Variants in SDK1 observed in about 807,000 individuals in gnomAD.
SDK1 encodes the protein sidekick cell adhesion molecule 1.
SDK1 carries 157 observed loss-of-function variants against 245.5 expected under a neutral mutation model. The ratio of observed to expected loss-of-function variants is 0.64; its 90% CI spans 0.56 to 0.73. The LOEUF (loss-of-function observed/expected upper bound fraction) is 0.73, where lower values mean the gene tolerates loss of function less well. Among genes scored for constraint, SDK1 ranks in the 30% least tolerant of loss-of-function variants. The pLI, the probability that SDK1 is intolerant of heterozygous loss-of-function variation, is 0.00. For synonymous variants in SDK1, 1,647 were observed against 1,278.5 expected (o/e 1.29, Z -6.15); for missense variants, 3,583 against 3,002.3 (o/e 1.19, Z -4.52).
At chr7:3,737,787 G>A (rs1184877474) in intron 4 of SDK1, among the ~76,000 whole-genome samples, 2 of 152,226 alleles carry the variant, frequency 1.3e-5, no homozygotes, top group East Asian at 1.9e-4. Flanking sequence ...AGGGAAGCTG[G>A]ATGTCCACCT....
At chr7:3,907,717 A>C (rs1485692065) in intron 5 of SDK1, among the ~76,000 whole-genome samples, 1 of 152,220 alleles carries the variant, frequency 6.6e-6, no homozygotes, top group Non-Finnish European at 1.5e-5. Flanking sequence ...AAGGTGTAGC[A>C]CCGCAACAGC....
chr7:3,541,772 C>G (rs1246317022), intron 1 of SDK1, among the ~76,000 whole-genome samples: 2 of 152,122 alleles, frequency 1.3e-5, no homozygotes, highest in Non-Finnish European at 2.9e-5. Context: ...AGACATCACC[C>G]CAATGCATGA....
At chr7:3,575,916 T>C (rs761052337) in intron 1 of SDK1, among the ~76,000 whole-genome samples, 3 of 152,038 alleles carry the variant, frequency 2.0e-5, no homozygotes, top group Non-Finnish European at 4.4e-5. Flanking sequence ...AAATAGGAGA[T>C]GAAGCCTTTC....
intron 1 of SDK1, among the ~76,000 whole-genome samples, chr7:3,430,789 G>C (rs1331996841): frequency 6.6e-6 from 1 of 152,202 alleles, no homozygotes; most frequent in Non-Finnish European, 1.5e-5. Context: ...TGACCTGCTA[G>C]GGCCCATGCC....
chr7:3,432,319 C>G (rs7810155), intron 1 of SDK1, among the ~76,000 whole-genome samples: 23,210 of 151,660 alleles, frequency 0.15, 1,772 homozygotes, highest in South Asian at 0.22. Flanking sequence ...GCATGTCATC[C>G]TGCCCCAGTC....
At chr7:3,365,761 G>A (rs966725662) in intron 1 of SDK1, among the ~76,000 whole-genome samples, 1 of 152,114 alleles carries the variant, frequency 6.6e-6, no homozygotes, top group Non-Finnish European at 1.5e-5. Flanking sequence ...GGCTGGGCGT[G>A]GTGGCTCATG....
rs955810665 is a variant in SDK1 at position 4,240,200 on chromosome 7, C to T, written c.6131-1593C>T. Among the ~76,000 whole-genome samples the T allele has an allele frequency of 6.6e-5, 10 of 152,300 alleles. No homozygotes were observed. In the East Asian group the frequency reaches 1.7e-3, roughly 26 times the overall value. On this transcript the variant is annotated intron_variant, in intron 42 of 44. Coordinates refer to ENST00000404826, the MANE Select transcript of SDK1 (RefSeq NM_152744.4). ...CTCCCTGCTTTTCACTGTCCTCCTCCATCTGGAAAACAGACTTGAAAAGGC... is the reference window on the plus strand; with the variant it reads ...CTCCCTGCTTTTCACTGTCCTCCTCTATCTGGAAAACAGACTTGAAAAGGC...
At chr7:3,395,041 G>C (rs1439173856) in intron 1 of SDK1, among the ~76,000 whole-genome samples, 2 of 151,990 alleles carry the variant, frequency 1.3e-5, no homozygotes, top group Non-Finnish European at 2.9e-5. Flanking sequence ...GCTGAATAGA[G>C]GAGATGAGAG....
chr7:3,522,895 T>C (rs1159484674), intron 1 of SDK1, among the ~76,000 whole-genome samples: 1 of 152,258 alleles, frequency 6.6e-6, no homozygotes, highest in Non-Finnish European at 1.5e-5. Context: ...ATCTGATTAG[T>C]TTGTTAAATT....
chr7:3,940,716 G>A (rs1047212828), intron 5 of SDK1, among the ~76,000 whole-genome samples: 3 of 152,238 alleles, frequency 2.0e-5, no homozygotes, highest in African/African-American at 7.2e-5. Context: ...AGCTACTCCG[G>A]AGGCTGAGGC....
At position 4,129,853 on chromosome 7, in the gene SDK1, C is replaced by T. The variant is rs533225049; in HGVS notation, c.3940-55C>T. On this transcript the variant is annotated intron_variant, in intron 26 of 44. Transcript: ENST00000404826. ...GAAGGGGGCCTGCCCCATGCCACGGCGGTCCCTCCTGGCACCCGCCTCCTG... is the reference window on the plus strand; with the variant it reads ...GAAGGGGGCCTGCCCCATGCCACGGTGGTCCCTCCTGGCACCCGCCTCCTG... 696 of 1,603,308 alleles carry T rather than the reference C, an allele frequency of 4.3e-4. 3 individuals carry two copies. Among genetic ancestry groups the T allele is most frequent in the Non-Finnish European group, 8.6e-5 (101 of 1,175,402 alleles).
rs1264786398 is a variant in SDK1, at chr7:3,403,837, ATATAT to A, written c.298+101954_298+101958del. Among the ~76,000 whole-genome samples, 3 of 54,978 alleles carry A rather than the reference ATATAT, an allele frequency of 5.5e-5. 1 individual carries two copies. Among genetic ancestry groups the A allele is most frequent in the Admixed American group, 3.2e-4 (2 of 6,178 alleles). The allele number at this position is 54,978 out of a possible 152,430, so 36.1% of individuals were successfully genotyped here. A position where few individuals can be genotyped will look rare whatever the true frequency, so the allele number is the denominator to read the frequency against. On this transcript the variant is annotated intron_variant, in intron 1 of 44. Coordinates refer to ENST00000404826, the MANE Select transcript of SDK1 (RefSeq NM_152744.4). Reference sequence around the variant, plus strand: ...TGAAATATCTTACATATATATATATATATATATATATATATATATATATATATATA... The same window carrying A: ...TGAAATATCTTACATATATATATATAATATATATATATATATATATATATA...
intron 44 of SDK1, among the ~76,000 whole-genome samples, chr7:4,260,277 T>G (rs533004935): frequency 7.1e-6 from 1 of 140,716 alleles, no homozygotes; most frequent in Non-Finnish European, 1.5e-5. Flanking sequence ...CTCCAGGGCC[T>G]CGGTGTGTGT....
chr7:4,070,570 C>T (rs1780185437), intron 20 of SDK1, among the ~76,000 whole-genome samples: 1 of 152,196 alleles, frequency 6.6e-6, no homozygotes, highest in Non-Finnish European at 1.5e-5. Context: ...ACTCCAGCTA[C>T]ATAGCAAACC....
chr7:3,385,640 C>T (rs1781592764), intron 1 of SDK1, among the ~76,000 whole-genome samples: 2 of 152,168 alleles, frequency 1.3e-5, no homozygotes, highest in African/African-American at 4.8e-5. Flanking sequence ...GTCAACCTCT[C>T]ACTTCCCTGC....
chr7:4,174,822 G>A (rs1427721324), intron 33 of SDK1, among the ~76,000 whole-genome samples: 2 of 152,144 alleles, frequency 1.3e-5, no homozygotes, highest in African/African-American at 4.8e-5. Flanking sequence ...TCGTTGCTCT[G>A]ACGAGGGCCC....
intron 4 of SDK1, among the ~76,000 whole-genome samples, chr7:3,697,112 A>G (rs1414621512): frequency 6.6e-6 from 1 of 152,218 alleles, no homozygotes; most frequent in African/African-American, 2.4e-5. Context: ...CATTTGACTA[A>G]TTCTTACAGT....
At chr7:3,852,750 CAAAAAAA>C (rs35116493) in intron 5 of SDK1, among the ~76,000 whole-genome samples, 14 of 28,158 alleles carry the variant, frequency 5.0e-4, no homozygotes, top group African/African-American at 7.6e-4. Flanking sequence ...GACTCCGTCT[CAAAAAAA>C]AAAAAAAAAA....
At chr7:3,800,218 T>G (rs1293074177) in intron 4 of SDK1, among the ~76,000 whole-genome samples, 1 of 152,148 alleles carries the variant, frequency 6.6e-6, no homozygotes, top group Non-Finnish European at 1.5e-5. Flanking sequence ...TCCTAATTTT[T>G]AATCCCTTGT....
Sources: gnomAD v4.1 joint callset for allele counts (sites outside exome capture counted in the v4.1 genomes callset) on GRCh38, gnomAD v4.1.1 for gene constraint, MANE v1.5 for transcripts, NCBI Gene and HGNC (gene_info 2026-07-23, HGNC 2026-07-21) for gene names.